PHTF2: variants seen among roughly 807,000 people sequenced by gnomAD.
PHTF2 encodes putative homeodomain transcription factor 2.
PHTF2 carries 60 observed loss-of-function variants against 101.2 expected under a neutral mutation model. That is an observed-to-expected ratio of 0.59 (90% CI 0.48 to 0.73). The LOEUF is 0.73. PHTF2 is among the 30% of genes least tolerant of loss of function. The pLI, the probability that PHTF2 is intolerant of heterozygous loss-of-function variation, is 0.00. For synonymous variants in PHTF2, 311 were observed against 307.3 expected (o/e 1.01, Z -0.13); for missense variants, 747 against 908.7 (o/e 0.82, Z 2.29).
At chr7:77,859,229 C>T (rs1217412520) in intron 3 of PHTF2, among the ~76,000 whole-genome samples, 3 of 152,188 alleles carry the variant, frequency 2.0e-5, no homozygotes, top group Non-Finnish European at 4.4e-5. Context: ...TCTGCAAAGA[C>T]CTTATTTCCA....
chr7:77,856,237 A>C (rs2150649726), intron 3 of PHTF2, among the ~76,000 whole-genome samples: 1 of 152,336 alleles, frequency 6.6e-6, no homozygotes, highest in East Asian at 1.9e-4. Context: ...TAAATGTTTA[A>C]GTGGTTTATA....
At chr7:77,889,602 T>G (rs2150782642) in intron 3 of PHTF2, among the ~76,000 whole-genome samples, 1 of 149,084 alleles carries the variant, frequency 6.7e-6, no homozygotes, top group Middle Eastern at 3.4e-3. Context: ...TCCTTTTTTT[T>G]TTTTTTTGAG....
rs145153737 is a variant in PHTF2 at position 77,931,108 on chromosome 7, T to C, written c.1338+1781T>C. On this transcript the variant is annotated intron_variant, in intron 12 of 19. Coordinates refer to ENST00000416283, the Ensembl canonical transcript of PHTF2. ...TATATGGTTGTGAGTCAAATGATTA[T>C]ACACTTGAAAATTTATTCCAAATAG... Among the ~76,000 whole-genome samples, 496 of 152,344 alleles carry C rather than the reference T, an allele frequency of 3.3e-3. 3 individuals are homozygous for C. Among genetic ancestry groups the C allele is most frequent in the African/African-American group, 0.011 (467 of 41,580 alleles).
At chr7:77,890,075 C>G (rs1309615972) in intron 3 of PHTF2, among the ~76,000 whole-genome samples, 1 of 149,570 alleles carries the variant, frequency 6.7e-6, no homozygotes, top group Non-Finnish European at 1.5e-5. Context: ...TGCCCTTCCT[C>G]TCACCTATCA....
intron 12 of PHTF2, among the ~76,000 whole-genome samples, chr7:77,933,245 T>A (rs1004282970): frequency 2.6e-5 from 4 of 151,756 alleles, no homozygotes; most frequent in Admixed American, 6.6e-5. Flanking sequence ...CTCAAAAAAA[T>A]AATAATAATA....
At chr7:77,914,438 A>C (rs551243488) in intron 9 of PHTF2, among the ~76,000 whole-genome samples, 1 of 152,220 alleles carries the variant, frequency 6.6e-6, no homozygotes. Context: ...GCTAAGGCAC[A>C]GTGGAGGAGG....
chr7:77,945,758 A>G (rs1043335020), intron 16 of PHTF2, among the ~76,000 whole-genome samples: 1 of 152,218 alleles, frequency 6.6e-6, no homozygotes, highest in South Asian at 2.1e-4. Context: ...TGCATAATCT[A>G]TTAAAACGGA....
chr7:77,910,001 C>T (rs1239161972), intron 8 of PHTF2: 1 of 334,250 alleles, frequency 3.0e-6, no homozygotes, highest in East Asian at 5.2e-5. Context: ...CCAATGCAAT[C>T]CTTTCAATCT....
intron 11 of PHTF2, among the ~76,000 whole-genome samples, chr7:77,925,495 GTTTTTTTTTTTTTTTTTTT>G (rs58290945): frequency 1.2e-4 from 9 of 73,166 alleles, no homozygotes; most frequent in Admixed American, 2.1e-4. Flanking sequence ...AGTTTTTAGG[GTTTTTTTTTTTTTTTTTTT>G]TTTTTTTTTT....
At chr7:77,800,386 C>G (rs1022499037) in intron 1 of PHTF2, among the ~76,000 whole-genome samples, 6 of 152,210 alleles carry the variant, frequency 3.9e-5, no homozygotes, top group African/African-American at 1.4e-4. Context: ...GCCTCCCACA[C>G]AGACTGGCTG....
At chr7:77,895,046 A>G (rs1800761752) in intron 5 of PHTF2, 1 of 379,326 alleles carries the variant, frequency 2.6e-6, no homozygotes, top group East Asian at 8.2e-5. Context: ...GCAGAAGATT[A>G]TATTTTGACA....
intron 3 of PHTF2, among the ~76,000 whole-genome samples, chr7:77,889,975 G>T (rs1351615754): frequency 6.6e-6 from 1 of 151,808 alleles, no homozygotes; most frequent in Non-Finnish European, 1.5e-5. Flanking sequence ...ACATTTAATT[G>T]CTGTAATTGA....
At chr7:77,923,603 G>A in intron 11 of PHTF2, 7 of 985,200 alleles carry the variant, frequency 7.1e-6, no homozygotes, top group Non-Finnish European at 8.4e-6. Context: ...TTTCCCAGTG[G>A]TTGCCATACA....
chr7:77,883,867 A>G (rs533130244), intron 3 of PHTF2, among the ~76,000 whole-genome samples: 4 of 152,222 alleles, frequency 2.6e-5, no homozygotes, highest in African/African-American at 9.6e-5. Context: ...TTAGCAATTT[A>G]AAAGTGAAAT....
intron 3 of PHTF2, among the ~76,000 whole-genome samples, chr7:77,881,759 C>T (rs1226128481): frequency 6.6e-6 from 1 of 152,190 alleles, no homozygotes; most frequent in Non-Finnish European, 1.5e-5. Context: ...CAGAAACTGT[C>T]ATCTTTATTT....
At chr7:77,828,738 C>G (rs550751609) in intron 1 of PHTF2, among the ~76,000 whole-genome samples, 1 of 151,866 alleles carries the variant, frequency 6.6e-6, no homozygotes, top group Non-Finnish European at 1.5e-5. Flanking sequence ...CGTGGTGGTG[C>G]GCACCTGTAA....
intron 5 of PHTF2, chr7:77,895,085 A>C: frequency 2.2e-6 from 1 of 447,154 alleles, no homozygotes; most frequent in East Asian, 7.0e-5. Context: ...TAAGGATGAT[A>C]GGAAATACTG....
chr7:77,912,676 T>C (rs1802508617), intron 9 of PHTF2, among the ~76,000 whole-genome samples: 1 of 150,666 alleles, frequency 6.6e-6, no homozygotes, highest in African/African-American at 2.4e-5. Context: ...TATATATATT[T>C]TTAACCTATC....
At chr7:77,936,953 T>C (rs1215226730) in intron 12 of PHTF2, among the ~76,000 whole-genome samples, 1 of 151,956 alleles carries the variant, frequency 6.6e-6, no homozygotes, top group Non-Finnish European at 1.5e-5. Context: ...GAGACCAGCC[T>C]GGCCAACATG....
Sources: gnomAD v4.1 joint callset for allele counts (sites outside exome capture counted in the v4.1 genomes callset) on GRCh38, gnomAD v4.1.1 for gene constraint, MANE v1.5 for transcripts, NCBI Gene and HGNC (gene_info 2026-07-23, HGNC 2026-07-21) for gene names.